The following MAGI2 variants were observed in gnomAD, a reference collection of about 807,000 sequenced individuals.
MAGI2 encodes membrane associated guanylate kinase, WW and PDZ domain containing 2.
In MAGI2, 35 loss-of-function variants were observed where a neutral mutation model predicts 133.3. That is an observed-to-expected ratio of 0.26 (90% CI 0.20 to 0.35). The LOEUF is 0.35. MAGI2 is among the 10% of genes least tolerant of loss of function. The pLI is 1.00. For synonymous variants in MAGI2, 729 were observed against 710.6 expected (o/e 1.03, Z -0.41); for missense variants, 1,636 against 1,863.4 (o/e 0.88, Z 2.25).
intron 2 of MAGI2, among the ~76,000 whole-genome samples, chr7:78,762,758 T>TG (rs562100927): frequency 6.6e-6 from 1 of 152,220 alleles, no homozygotes; most frequent in Non-Finnish European, 1.5e-5. Flanking sequence ...TGAACAGTTT[T>TG]GGGGAACCAC....
intron 2 of MAGI2, among the ~76,000 whole-genome samples, chr7:78,745,220 A>G (rs947317087): frequency 1.3e-5 from 2 of 152,202 alleles, no homozygotes; most frequent in African/African-American, 4.8e-5. Flanking sequence ...TACATATAAA[A>G]TAAGTCTCAA....
chr7:79,365,763 G>C (rs1842657654), intron 1 of MAGI2, among the ~76,000 whole-genome samples: 2 of 149,746 alleles, frequency 1.3e-5, no homozygotes, highest in Non-Finnish European at 3.0e-5. Flanking sequence ...AGGAGGCTGA[G>C]GCAGGAGAAT....
chr7:78,604,767 ATTG>A (rs1196097290), intron 3 of MAGI2, among the ~76,000 whole-genome samples: 2 of 152,216 alleles, frequency 1.3e-5, no homozygotes, highest in Non-Finnish European at 2.9e-5. Flanking sequence ...GCTAATACCA[ATTG>A]TTGTTTTACA....
At chr7:79,433,317 C>T (rs1231680924) in intron 1 of MAGI2, among the ~76,000 whole-genome samples, 2 of 151,828 alleles carry the variant, frequency 1.3e-5, no homozygotes, top group African/African-American at 4.8e-5. Flanking sequence ...TTTGGGAGGC[C>T]GAGGCGGATG....
At chr7:78,450,428 T>A in intron 6 of MAGI2, among the ~76,000 whole-genome samples, 1 of 152,116 alleles carries the variant, frequency 6.6e-6, no homozygotes, top group East Asian at 1.9e-4. Context: ...CATTTAGGAA[T>A]AAATTAATCA....
At chr7:79,335,183 A>G (rs148207429) in intron 1 of MAGI2, among the ~76,000 whole-genome samples, 1,598 of 152,262 alleles carry the variant, frequency 0.01, 30 homozygotes, top group African/African-American at 0.036. Context: ...ACAATTGACA[A>G]CATAAATCAC....
intron 2 of MAGI2, among the ~76,000 whole-genome samples, chr7:78,827,038 T>TCATATAGATACAGATA (rs956790934): frequency 1.3e-5 from 2 of 152,130 alleles, no homozygotes; most frequent in African/African-American, 4.8e-5. Context: ...CATGTTAGCT[T>TCATATAGATACAGATA]CATATAGATA....
At chr7:78,683,062 C>A (rs996625781) in intron 2 of MAGI2, among the ~76,000 whole-genome samples, 1 of 152,052 alleles carries the variant, frequency 6.6e-6, no homozygotes, top group African/African-American at 2.4e-5. Context: ...AAAATATGGA[C>A]AGGCACTACT....
In MAGI2 at chr7:78,081,288, A is replaced by G. The variant is rs76339123; in HGVS notation, c.3568-2203T>C. On this transcript the variant is annotated intron_variant, in intron 20 of 21. Coordinates refer to ENST00000354212, the MANE Select transcript of MAGI2 (RefSeq NM_012301.4). Reference sequence around the variant, plus strand: ...AGGTTTTGAGTGTCTTCATTCAGTAAATAATTTCTGAGCACCTGTTATGTA... The same window carrying G: ...AGGTTTTGAGTGTCTTCATTCAGTAGATAATTTCTGAGCACCTGTTATGTA... Among the ~76,000 whole-genome samples, 9 of 152,280 alleles carry G rather than the reference A, an allele frequency of 5.9e-5. No homozygotes were observed. In the East Asian group the frequency reaches 1.7e-3, roughly 29 times the overall value.
At chr7:78,257,467 T>C (rs1004043326) in intron 9 of MAGI2, among the ~76,000 whole-genome samples, 4 of 152,192 alleles carry the variant, frequency 2.6e-5, no homozygotes, top group Non-Finnish European at 5.9e-5. Flanking sequence ...AAGGCACTTG[T>C]CCTTTCTCCC....
chr7:78,655,510 A>G (rs987884395), intron 2 of MAGI2, among the ~76,000 whole-genome samples: 1 of 150,468 alleles, frequency 6.6e-6, no homozygotes, highest in African/African-American at 2.4e-5. Flanking sequence ...CTGCTCTTAC[A>G]GCATAGAGAA....
chr7:78,057,975 G>GTATATATATATATATATATATATATA, intron 21 of MAGI2, among the ~76,000 whole-genome samples: 1 of 86,560 alleles, frequency 1.2e-5, no homozygotes, highest in Non-Finnish European at 2.3e-5. Context: ...TTATATATAT[G>GTATATATATATATATATATATATATA]TGTATATATA....
chr7:78,964,528 A>G (rs956557937), intron 2 of MAGI2, among the ~76,000 whole-genome samples: 1 of 152,050 alleles, frequency 6.6e-6, no homozygotes, highest in African/African-American at 2.4e-5. Flanking sequence ...TTTTACAGAC[A>G]GCATTATTTA....
intron 1 of MAGI2, chr7:79,177,029 G>C (rs1016861601): frequency 6.6e-6 from 1 of 151,924 alleles, no homozygotes; most frequent in African/African-American, 2.4e-5. Context: ...TTACTAACCC[G>C]ACCTGCTAGT....
chr7:78,556,482 A>G (rs1799833675), intron 3 of MAGI2, among the ~76,000 whole-genome samples: 2 of 152,130 alleles, frequency 1.3e-5, no homozygotes, highest in African/African-American at 4.8e-5. Context: ...TGTGATGACA[A>G]CTCTAAAATG....
chr7:79,121,746 GT>G (rs1441443774), intron 1 of MAGI2, among the ~76,000 whole-genome samples: 7 of 152,126 alleles, frequency 4.6e-5, no homozygotes, highest in African/African-American at 1.7e-4. Context: ...ACTAATGAAA[GT>G]TTTTTCTTTC....
intron 3 of MAGI2, among the ~76,000 whole-genome samples, chr7:78,565,109 T>C (rs1800814505): frequency 6.6e-6 from 1 of 151,940 alleles, no homozygotes; most frequent in African/African-American, 2.4e-5. Flanking sequence ...CCTTCTTTTC[T>C]TCAACAATAA....
chr7:79,279,381 C>A (rs1835462956), intron 1 of MAGI2, among the ~76,000 whole-genome samples: 1 of 152,140 alleles, frequency 6.6e-6, no homozygotes, highest in Non-Finnish European at 1.5e-5. Flanking sequence ...CAATCATACT[C>A]CCTATTGTCA....
At chr7:79,174,772 T>C (rs143523474) in intron 1 of MAGI2, among the ~76,000 whole-genome samples, 1 of 151,854 alleles carries the variant, frequency 6.6e-6, no homozygotes, top group East Asian at 1.9e-4. Flanking sequence ...TATAACTGAA[T>C]ACAAAATGTT....
Sources: gnomAD v4.1 joint callset for allele counts (sites outside exome capture counted in the v4.1 genomes callset) on GRCh38, gnomAD v4.1.1 for gene constraint, MANE v1.5 for transcripts, NCBI Gene and HGNC (gene_info 2026-07-23, HGNC 2026-07-21) for gene names.